The following FGGY variants were observed in gnomAD, a reference collection of about 807,000 sequenced individuals.
The protein encoded by FGGY is FGGY carbohydrate kinase domain-containing protein.
Under a neutral mutation model 71.3 loss-of-function variants are expected in FGGY, and 72 were observed. The observed-to-expected ratio is 1.01, with a 90% confidence interval of 0.84 to 1.23. FGGY has a LOEUF of 1.23. Among genes scored for constraint, FGGY ranks in the 50% most tolerant of loss-of-function variants. The pLI is 0.00. For synonymous variants in FGGY, 251 were observed against 250.3 expected, an observed-to-expected ratio of 1.00 and a Z score of -0.02; for missense variants, 668 against 682.3, an observed-to-expected ratio of 0.98 and a Z score of 0.23.
At chr1:59,465,376 T>C (rs1317196099) in intron 6 of FGGY, among the ~76,000 whole-genome samples, 1 of 152,198 alleles carries the variant, frequency 6.6e-6, no homozygotes, top group Non-Finnish European at 1.5e-5. Flanking sequence ...AAGAGCTGTT[T>C]ATGACAGACC....
chr1:59,482,214 T>G (rs1241732624), intron 6 of FGGY, among the ~76,000 whole-genome samples: 1 of 152,196 alleles, frequency 6.6e-6, no homozygotes, highest in Non-Finnish European at 1.5e-5. Flanking sequence ...ATGATCATGT[T>G]TACCAAGATC....
At chr1:59,304,255 T>G (rs1027458643) in intron 1 of FGGY, among the ~76,000 whole-genome samples, 2 of 152,144 alleles carry the variant, frequency 1.3e-5, no homozygotes, top group African/African-American at 2.4e-5. Context: ...GATTTTTGTG[T>G]ATAGTATAAG....
chr1:59,761,377 T>C (rs1445995378), intron 15 of FGGY, among the ~76,000 whole-genome samples: 1 of 152,178 alleles, frequency 6.6e-6, no homozygotes, highest in Non-Finnish European at 1.5e-5. Context: ...TCCCTGTGTG[T>C]ATCCAAGGTT....
chr1:59,341,554 C>A (rs762870744), intron 3 of FGGY, among the ~76,000 whole-genome samples: 7 of 152,160 alleles, frequency 4.6e-5, no homozygotes, highest in Admixed American at 1.3e-4. Flanking sequence ...TTATTAACAC[C>A]TCCTGTGTTC....
intron 1 of FGGY, among the ~76,000 whole-genome samples, chr1:59,309,045 G>A (rs2043860901): frequency 1.3e-5 from 2 of 152,070 alleles, no homozygotes; most frequent in East Asian, 3.9e-4. Context: ...ATGAGTCAGT[G>A]CATAAATTCT....
chr1:59,527,998 C>T (rs1006527224), intron 7 of FGGY, among the ~76,000 whole-genome samples: 1 of 152,136 alleles, frequency 6.6e-6, no homozygotes, highest in African/African-American at 2.4e-5. Context: ...GTCCCCACCA[C>T]CACAACTCAT....
At chr1:59,550,307 C>T (rs2153700268) in intron 7 of FGGY, among the ~76,000 whole-genome samples, 1 of 152,184 alleles carries the variant, frequency 6.6e-6, no homozygotes, top group South Asian at 2.1e-4. Flanking sequence ...GAAAGCTCCT[C>T]CCACCTTTTC....
intron 3 of FGGY, among the ~76,000 whole-genome samples, chr1:59,342,593 A>C (rs1469316185): frequency 6.6e-6 from 1 of 152,168 alleles, no homozygotes; most frequent in Admixed American, 6.6e-5. Flanking sequence ...TTAAGGTTAG[A>C]TCTTTTATCT....
intron 5 of FGGY, among the ~76,000 whole-genome samples, chr1:59,384,060 T>G (rs948791618): frequency 2.6e-5 from 4 of 152,208 alleles, no homozygotes; most frequent in Admixed American, 2.6e-4. Context: ...CAGAACATGC[T>G]TGGGGGCTTC....
At chr1:59,760,858 C>T (rs1320640110) in intron 15 of FGGY, among the ~76,000 whole-genome samples, 4 of 152,298 alleles carry the variant, frequency 2.6e-5, no homozygotes, top group Admixed American at 2.6e-4. Flanking sequence ...AAATCTATCT[C>T]ATGTAGTGAA....
chr1:59,729,185 T>C (rs1198631039), intron 14 of FGGY, among the ~76,000 whole-genome samples: 1 of 151,972 alleles, frequency 6.6e-6, no homozygotes, highest in Non-Finnish European at 1.5e-5. Context: ...TCTGTTGGTC[T>C]TTTTATTATT....
chr1:59,464,030 A>G (rs2092444172), intron 6 of FGGY, among the ~76,000 whole-genome samples: 1 of 152,218 alleles, frequency 6.6e-6, no homozygotes, highest in Non-Finnish European at 1.5e-5. Flanking sequence ...AGACATCTAC[A>G]GAACTCTCCA....
rs1373646592 is a variant in FGGY at position 59,570,067 on chromosome 1, CTG to C, written c.903+15842_903+15843del. Among the ~76,000 whole-genome samples, 3 of 152,290 alleles carry C rather than the reference CTG, an allele frequency of 2.0e-5. No homozygotes were observed. In the East Asian group the frequency reaches 5.8e-4, roughly 29 times the overall value. On this transcript the variant is annotated intron_variant, in intron 8 of 15. Coordinates refer to ENST00000303721, the MANE Select transcript of FGGY (RefSeq NM_018291.5). ...TCTCCATTGAGCTGCAAGCCAGTGA[CTG>C]TCAATTAATGTGCACAAAATATACC...
At chr1:59,414,912 A>G (rs1051190539) in intron 5 of FGGY, among the ~76,000 whole-genome samples, 5 of 152,240 alleles carry the variant, frequency 3.3e-5, no homozygotes, top group Non-Finnish European at 5.9e-5. Flanking sequence ...CTTACAAGGC[A>G]GGGTGGAGAA....
intron 5 of FGGY, among the ~76,000 whole-genome samples, chr1:59,425,222 G>T (rs929692542): frequency 6.6e-6 from 1 of 152,280 alleles, no homozygotes; most frequent in African/African-American, 2.4e-5. Context: ...AAATACCTGG[G>T]AAACATGGAT....
intron 8 of FGGY, among the ~76,000 whole-genome samples, chr1:59,589,244 A>G (rs1026602239): frequency 3.9e-5 from 6 of 152,224 alleles, no homozygotes; most frequent in African/African-American, 1.4e-4. Context: ...TAACCATCCT[A>G]AATATATATG....
chr1:59,761,785 A>G (rs748984501), intron 15 of FGGY, among the ~76,000 whole-genome samples: 1 of 152,220 alleles, frequency 6.6e-6, no homozygotes, highest in Admixed American at 6.5e-5. Context: ...TTGCTCCTGG[A>G]TAAAGCAGGT....
chr1:59,460,871 AG>A (rs1159962389), intron 6 of FGGY, among the ~76,000 whole-genome samples: 1 of 152,234 alleles, frequency 6.6e-6, no homozygotes, highest in Admixed American at 6.5e-5. Flanking sequence ...TCTAACAAAC[AG>A]AAAGGAATAG....
At chr1:59,453,044 C>A (rs2091345558) in intron 5 of FGGY, among the ~76,000 whole-genome samples, 1 of 152,170 alleles carries the variant, frequency 6.6e-6, no homozygotes. Flanking sequence ...CTTGCCTTTA[C>A]CCACTAATAA....
Sources: allele counts gnomAD v4.1 joint callset (sites outside exome capture counted in the v4.1 genomes callset), GRCh38; gene constraint gnomAD v4.1.1; transcripts MANE v1.5; gene names NCBI Gene and HGNC (gene_info 2026-07-23, HGNC 2026-07-21).